Variants in GLYATL2 observed in about 807,000 individuals in gnomAD.
GLYATL2 encodes glycine N-acyltransferase-like protein 2.
A neutral mutation model predicts 21.4 loss-of-function variants in GLYATL2; 25 were observed. The observed-to-expected ratio is 1.17, with a 90% CI of 0.85 to 1.63. GLYATL2 has a LOEUF of 1.63. Among genes scored for constraint, GLYATL2 ranks in the 40% most tolerant of loss-of-function variants. The pLI is 0.00. For missense variants in GLYATL2, 361 were observed against 343.3 expected (o/e 1.05, Z -0.41); for synonymous variants, 114 against 118.2 (o/e 0.96, Z 0.23).
upstream of GLYATL2, among the ~76,000 whole-genome samples, chr11:58,906,035 G>C (rs73481086): frequency 0.02 from 2,988 of 152,320 alleles, 87 homozygotes; most frequent in African/African-American, 0.068. Context: ...AGGCAAGAGA[G>C]AAGTCTTCCC....
intron 1 of GLYATL2, among the ~76,000 whole-genome samples, chr11:58,899,251 C>A (rs1165539125): frequency 6.6e-6 from 1 of 152,018 alleles, no homozygotes; most frequent in Non-Finnish European, 1.5e-5. Context: ...ATCTTCCCTC[C>A]ACTCCCACCC....
At chr11:58,889,756 T>G (rs982691227) in intron 1 of GLYATL2, among the ~76,000 whole-genome samples, 2 of 152,146 alleles carry the variant, frequency 1.3e-5, no homozygotes, top group Admixed American at 1.3e-4. Flanking sequence ...ACCGAATATT[T>G]TATTCAGAAT....
At chr11:58,900,721 A>T (rs1274984464) in intron 1 of GLYATL2, among the ~76,000 whole-genome samples, 3 of 152,056 alleles carry the variant, frequency 2.0e-5, no homozygotes, top group Non-Finnish European at 4.4e-5. Flanking sequence ...TTCAGCCAAC[A>T]CATGTCCCAG....
upstream of GLYATL2, among the ~76,000 whole-genome samples, chr11:58,846,092 T>A (rs1382053973): frequency 6.6e-6 from 1 of 152,198 alleles, no homozygotes; most frequent in Admixed American, 6.5e-5. Context: ...AAACTAATCA[T>A]CCTTTTTAAA....
intron 1 of GLYATL2, among the ~76,000 whole-genome samples, chr11:58,868,165 G>A (rs897958788): frequency 1.3e-5 from 2 of 148,988 alleles, no homozygotes; most frequent in African/African-American, 4.8e-5. Context: ...GCAGATTGCA[G>A]CTAGCACTGG....
chr11:58,835,911 C>CATGAG (rs1268637859), intron 5 of GLYATL2, among the ~76,000 whole-genome samples: 2 of 152,128 alleles, frequency 1.3e-5, no homozygotes, highest in Non-Finnish European at 2.9e-5. Context: ...CTCATATGAA[C>CATGAG]ACTGGTGGGG....
chr11:58,908,740 T>C (rs1854970305), upstream of GLYATL2: 1 of 152,200 alleles, frequency 6.6e-6, no homozygotes, highest in African/African-American at 2.4e-5. Context: ...TTAACAATGA[T>C]AAACATGTCT....
At chr11:58,859,504 A>G (rs1853894487) in intron 1 of GLYATL2, among the ~76,000 whole-genome samples, 1 of 152,020 alleles carries the variant, frequency 6.6e-6, no homozygotes, top group Non-Finnish European at 1.5e-5. Flanking sequence ...GTTTCTTATT[A>G]TTTTAAATAT....
At chr11:58,883,508 C>T (rs774038418) in intron 1 of GLYATL2, among the ~76,000 whole-genome samples, 6 of 152,132 alleles carry the variant, frequency 3.9e-5, no homozygotes, top group African/African-American at 1.4e-4. Context: ...CCTCCCAAGA[C>T]TAAACCAAGA....
chr11:58,851,980 G>A (rs947315753), intron 1 of GLYATL2, among the ~76,000 whole-genome samples: 8 of 152,194 alleles, frequency 5.3e-5, no homozygotes, highest in East Asian at 1.9e-4. Context: ...GATTGAGAAA[G>A]AGTGAGAAGG....
chr11:58,851,025 C>T (rs1395472810), intron 1 of GLYATL2, among the ~76,000 whole-genome samples: 1 of 152,198 alleles, frequency 6.6e-6, no homozygotes, highest in East Asian at 1.9e-4. Context: ...ACTCTCTCTG[C>T]CTTGGCTGCC....
Position 58,895,923 on chromosome 11 carries a change from G to A in GLYATL2, n.60+8233C>T, listed in dbSNP as rs549187892. On this transcript the variant is annotated intron_variant and non_coding_transcript_variant, in intron 1 of 4. Transcript: ENST00000533636. Reference sequence around the variant, plus strand: ...GGCTGGAATGCAGTGGCACGATCTCGGCTCACTGCAGACTCTGCCTCCCAG... The same window carrying A: ...GGCTGGAATGCAGTGGCACGATCTCAGCTCACTGCAGACTCTGCCTCCCAG... 7.3e-5 allele frequency among the ~76,000 whole-genome samples: 11 copies of A among 151,230 alleles called. No individual in the cohort carries two copies. The South Asian group carries it at 1.7e-3, about 23-fold the overall frequency.
chr11:58,873,735 G>A (rs1054400223), intron 1 of GLYATL2, among the ~76,000 whole-genome samples: 1 of 152,104 alleles, frequency 6.6e-6, no homozygotes, highest in South Asian at 2.1e-4. Flanking sequence ...AAGGATATTG[G>A]TCTAAAATTC....
upstream of GLYATL2, among the ~76,000 whole-genome samples, chr11:58,848,385 G>A (rs557576637): frequency 6.6e-6 from 1 of 152,228 alleles, no homozygotes; most frequent in African/African-American, 2.4e-5. Flanking sequence ...CTGGAGAAAT[G>A]GAGATATGTG....
intron 1 of GLYATL2, among the ~76,000 whole-genome samples, chr11:58,853,013 G>A (rs1419061849): frequency 6.6e-6 from 1 of 152,054 alleles, no homozygotes; most frequent in Admixed American, 6.6e-5. Flanking sequence ...TCATTTATTT[G>A]GTGTTTCTTT....
At chr11:58,874,163 T>A (rs921695121) in intron 1 of GLYATL2, among the ~76,000 whole-genome samples, 2 of 152,228 alleles carry the variant, frequency 1.3e-5, no homozygotes, top group African/African-American at 2.4e-5. Context: ...TTATTGCATC[T>A]ATTTGATTCT....
upstream of GLYATL2, among the ~76,000 whole-genome samples, chr11:58,846,191 T>C (rs1050469569): frequency 6.6e-6 from 1 of 152,190 alleles, no homozygotes; most frequent in Non-Finnish European, 1.5e-5. Flanking sequence ...ATATTTTTTT[T>C]CTATACTGAG....
At chr11:58,874,501 T>C (rs1317400711) in intron 1 of GLYATL2, among the ~76,000 whole-genome samples, 1 of 152,214 alleles carries the variant, frequency 6.6e-6, no homozygotes, top group South Asian at 2.1e-4. Flanking sequence ...TTTGTTCTCA[T>C]TGGTTTCAAA....
chr11:58,874,758 A>G, intron 1 of GLYATL2, among the ~76,000 whole-genome samples: 1 of 152,190 alleles, frequency 6.6e-6, no homozygotes, highest in Non-Finnish European at 1.5e-5. Flanking sequence ...AAAAGAATGT[A>G]TATTCTGTTG....
Sources: gnomAD v4.1 joint callset for allele counts (sites outside exome capture counted in the v4.1 genomes callset) on GRCh38, gnomAD v4.1.1 for gene constraint, MANE v1.5 for transcripts, NCBI Gene and HGNC (gene_info 2026-07-23, HGNC 2026-07-21) for gene names.